USH2A: variants seen among roughly 807,000 people sequenced by gnomAD.
The protein encoded by USH2A is Usher syndrome 2A (autosomal recessive, mild).
A neutral mutation model predicts 538.9 loss-of-function variants in USH2A; 443 were observed. The observed-to-expected ratio is 0.82, with a 90% CI of 0.76 to 0.89. The LOEUF (loss-of-function observed/expected upper bound fraction) is 0.89, where lower values mean the gene tolerates loss of function less well. Ranked by LOEUF, USH2A falls within the 40% of genes least tolerant of loss-of-function variation. The pLI is 0.00. For missense variants in USH2A, 6,633 were observed against 6,324.8 expected, an observed-to-expected ratio of 1.05 and a Z score of -1.65; for synonymous variants, 2,413 against 2,273.5, an observed-to-expected ratio of 1.06 and a Z score of -1.75.
intron 38 of USH2A, among the ~76,000 whole-genome samples, chr1:215,908,910 A>T (rs1268838997): frequency 6.6e-6 from 1 of 151,100 alleles, no homozygotes; most frequent in African/African-American, 2.4e-5. Context: ...TACCATCACT[A>T]AGATATGAGT....
intron 37 of USH2A, among the ~76,000 whole-genome samples, chr1:215,959,913 T>C (rs528786230): frequency 1.2e-3 from 185 of 152,158 alleles, no homozygotes; most frequent in Middle Eastern, 0.01. Flanking sequence ...CCCAATTCAT[T>C]CAAAAGGAAG....
At chr1:215,903,180 TGA>T (rs1398089208) in intron 38 of USH2A, among the ~76,000 whole-genome samples, 2 of 152,028 alleles carry the variant, frequency 1.3e-5, no homozygotes, top group Non-Finnish European at 2.9e-5. Flanking sequence ...TCAACTCGGC[TGA>T]GAGTTTAAGG....
At chr1:216,196,171 A>T (rs1042241004) in intron 19 of USH2A, among the ~76,000 whole-genome samples, 1 of 152,156 alleles carries the variant, frequency 6.6e-6, no homozygotes, top group Admixed American at 6.6e-5. Flanking sequence ...AATGTTATTT[A>T]TATTTCCAAA....
chr1:216,147,221 C>T (rs1231672893), intron 21 of USH2A, among the ~76,000 whole-genome samples: 1 of 151,974 alleles, frequency 6.6e-6, no homozygotes, highest in East Asian at 1.9e-4. Context: ...CCTTCCTCCC[C>T]AGGTTGTTCC....
intron 43 of USH2A, among the ~76,000 whole-genome samples, chr1:215,872,445 T>A (rs1340972245): frequency 2.6e-5 from 4 of 151,974 alleles, no homozygotes; most frequent in African/African-American, 9.7e-5. Flanking sequence ...TCTGTTGCTA[T>A]CTATATCTAC....
At chr1:216,257,589 C>CT (rs2036283142) in intron 11 of USH2A, among the ~76,000 whole-genome samples, 1 of 151,682 alleles carries the variant, frequency 6.6e-6, no homozygotes, top group Non-Finnish European at 1.5e-5. Flanking sequence ...TTTCAGTGTA[C>CT]TGTACTTGGA....
chr1:215,655,452 C>A (rs1203875584), intron 64 of USH2A, among the ~76,000 whole-genome samples: 1 of 152,090 alleles, frequency 6.6e-6, no homozygotes, highest in African/African-American at 2.4e-5. Context: ...TTTCTTGAAA[C>A]CTTGATATTT....
rs762877166 is a variant in USH2A, at chr1:215,628,900, CGCT to C, written c.15430_15432del (p.Ser5144del). On this transcript the variant is annotated inframe_deletion, in exon 71 of 72. Coordinates refer to ENST00000307340, the MANE Select transcript of USH2A (RefSeq NM_206933.4). ...TCTTGAATGTCCATGAGCTGGCTGA[CGCT>C]GCGGTGAAGAGAACCCTGGGAGTAG... The C allele has an allele frequency of 6.2e-7, 1 of 1,614,132 alleles. No homozygotes were observed. Among genetic ancestry groups the C allele is most frequent in the South Asian group, 1.1e-5 (1 of 91,082 alleles).
intron 64 of USH2A, among the ~76,000 whole-genome samples, chr1:215,669,682 A>AT (rs1451169441): frequency 6.6e-6 from 1 of 152,152 alleles, no homozygotes; most frequent in Non-Finnish European, 1.5e-5. Flanking sequence ...CTTTTAAGAG[A>AT]TTTTTAGACT....
chr1:215,741,028 G>A (rs954880), intron 60 of USH2A, among the ~76,000 whole-genome samples: 4,007 of 152,198 alleles, frequency 0.026, 179 homozygotes, highest in African/African-American at 0.09. Flanking sequence ...GGACTCTGTG[G>A]CCTGGGGGTT....
chr1:216,313,058 G>A (rs1221738072), intron 9 of USH2A, among the ~76,000 whole-genome samples: 4 of 152,228 alleles, frequency 2.6e-5, no homozygotes, highest in Admixed American at 2.0e-4. Context: ...GGGTGTGAGG[G>A]CAGCACATGG....
chr1:216,130,774 T>C (rs1244365154), intron 21 of USH2A, among the ~76,000 whole-genome samples: 1 of 151,198 alleles, frequency 6.6e-6, no homozygotes, highest in Non-Finnish European at 1.5e-5. Context: ...GCTATAAACA[T>C]GTGTGTGCAA....
chr1:216,115,568 C>T (rs567264674), intron 21 of USH2A, among the ~76,000 whole-genome samples: 2 of 152,180 alleles, frequency 1.3e-5, no homozygotes, highest in African/African-American at 4.8e-5. Flanking sequence ...TAAAAATATA[C>T]TTGAGTTTAT....
At position 216,200,099 on chromosome 1, in the gene USH2A, T is replaced by G; in HGVS notation, c.3339A>C (p.Thr1113=). ...AATATTTGGTATATGGTAACAGGTC[T>G]GTGTCTAAGAAGTATTGAATACCTG... The part of the protein sequence containing the change: ...YPYSIQYFLD[T]DLLPYTKYSY... The change falls in exon 17 of 72, where the codon ACA becomes ACC. Residue 1113 remains threonine (T), a synonymous_variant. Transcript: ENST00000307340. 6.2e-7 allele frequency: 1 copy of G among 1,613,116 alleles called. No individual in the cohort carries two copies. The highest frequency in any genetic ancestry group is 8.5e-7 in the Non-Finnish European group (1 of 1,179,772).
In USH2A at chr1:216,232,081, T is replaced by C. The variant is rs945082281; in HGVS notation, c.2865A>G (p.Thr955=). Residue 955 remains threonine (T), a synonymous_variant, in exon 14 of 72, where the codon ACA becomes ACG. Coordinates refer to ENST00000307340, the MANE Select transcript of USH2A (RefSeq NM_206933.4). ...ATGCLPCSCH[T]TGAVNHICNS... ...TACAGATGTGATTAACTGCACCAGT[T>C]GTATGGCATGAGCATGGCAGGCAGC... 1.5e-5 allele frequency: 24 copies of C among 1,614,026 alleles called. No individual in the cohort carries two copies. The highest frequency in any genetic ancestry group is 2.0e-5 in the Non-Finnish European group (24 of 1,179,918).
chr1:216,327,789 C>T (rs1009973306), intron 4 of USH2A, 135 bp from the exon 5 acceptor site: 5 of 1,018,172 alleles, frequency 4.9e-6, no homozygotes, highest in Non-Finnish European at 6.0e-6. Flanking sequence ...GAAACTTTTA[C>T]AGATCAATCT....
intron 21 of USH2A, among the ~76,000 whole-genome samples, chr1:216,117,700 A>T (rs2033039238): frequency 6.6e-6 from 1 of 151,918 alleles, no homozygotes; most frequent in Non-Finnish European, 1.5e-5. Flanking sequence ...CAATTAAATC[A>T]CTTGCAATAT....
intron 56 of USH2A, among the ~76,000 whole-genome samples, chr1:215,764,513 G>A (rs1661072111): frequency 2.0e-5 from 3 of 152,160 alleles, no homozygotes; most frequent in Admixed American, 1.3e-4. Flanking sequence ...GGATAAAACT[G>A]TAGAGAACTG....
rs1283627095 is a variant in USH2A, at chr1:215,728,309, T to C, written c.11787A>G (p.Gly3929=). Residue 3929 remains glycine, a synonymous_variant, in exon 61 of 72, where the codon GGA becomes GGG. Coordinates refer to ENST00000307340, the MANE Select transcript of USH2A (RefSeq NM_206933.4). The part of the protein sequence containing the change: ...SEGALEFMDE[G]DTLRPFTLYE... The stretch of plus-strand genomic sequence containing the variant: ...AGAGTGTGAAAGGCCTCAGGGTGTC[T>C]CCTTCATCCATAAATTCAAGGGCTC... 1 of 1,614,176 alleles carries C rather than the reference T, an allele frequency of 6.2e-7. No individual in the cohort carries two copies. The highest frequency in any genetic ancestry group is 2.2e-5 in the East Asian group (1 of 44,874).
Sources: allele counts gnomAD v4.1 joint callset (sites outside exome capture counted in the v4.1 genomes callset), GRCh38; gene constraint gnomAD v4.1.1; transcripts MANE v1.5; gene names NCBI Gene and HGNC (gene_info 2026-07-23, HGNC 2026-07-21).